The following RBFOX1 variants were observed in gnomAD, a reference collection of about 807,000 sequenced individuals.
The protein encoded by RBFOX1 is RNA binding fox-1 homolog 1.
In RBFOX1, 8 loss-of-function variants were observed where a neutral mutation model predicts 57.7. That is an observed-to-expected ratio of 0.14 (90% CI 0.08 to 0.25). The LOEUF (loss-of-function observed/expected upper bound fraction) is 0.25, where lower values mean the gene tolerates loss of function less well. Ranked by LOEUF, RBFOX1 falls within the 10% of genes least tolerant of loss-of-function variation. RBFOX1 has a pLI of 1.00. For synonymous variants in RBFOX1, 326 were observed against 222.4 expected (o/e 1.47, Z -4.15); for missense variants, 611 against 548.5 (o/e 1.11, Z -1.14).
At chr16:7,306,137 T>G (rs1306822842) in intron 4 of RBFOX1, among the ~76,000 whole-genome samples, 1 of 152,222 alleles carries the variant, frequency 6.6e-6, no homozygotes, top group East Asian at 1.9e-4. Flanking sequence ...AGGTACTCAA[T>G]GTTCTCCGTT....
At chr16:6,970,802 C>T (rs2085366991) in intron 3 of RBFOX1, among the ~76,000 whole-genome samples, 1 of 152,142 alleles carries the variant, frequency 6.6e-6, no homozygotes, top group Non-Finnish European at 1.5e-5. Flanking sequence ...GCCCTGTCTA[C>T]AAAGGAGACT....
rs116947992 is a variant in RBFOX1, at chr16:6,514,613, G to C, written c.-63-139990G>C. Reference sequence around the variant, plus strand: ...CTGATGTTCCCCTCACCACGCATTTGTGTACCCCTCACATGCCCTTTGTCT... The same window carrying C: ...CTGATGTTCCCCTCACCACGCATTTCTGTACCCCTCACATGCCCTTTGTCT... On this transcript the variant is annotated intron_variant, in intron 2 of 15. Coordinates refer to ENST00000550418, the MANE Select transcript of RBFOX1 (RefSeq NM_018723.4). Among the ~76,000 whole-genome samples, 743 of 152,244 alleles carry C rather than the reference G, an allele frequency of 4.9e-3. 21 individuals carry two copies. The East Asian group carries it at 0.093, about 19-fold the overall frequency.
chr16:5,830,917 C>A (rs1309633772), intron 3 of RBFOX1, among the ~76,000 whole-genome samples: 1 of 152,184 alleles, frequency 6.6e-6, no homozygotes, highest in African/African-American at 2.4e-5. Context: ...CTGTGATGCC[C>A]TCTCCTTGGC....
intron 3 of RBFOX1, among the ~76,000 whole-genome samples, chr16:6,673,470 C>T (rs965326289): frequency 3.9e-5 from 6 of 152,076 alleles, no homozygotes; most frequent in Non-Finnish European, 7.4e-5. Context: ...TGCCTGTAAT[C>T]CCAGCTACTG....
At chr16:5,906,002 C>T (rs1262979234) in intron 4 of RBFOX1, among the ~76,000 whole-genome samples, 1 of 152,174 alleles carries the variant, frequency 6.6e-6, no homozygotes, top group African/African-American at 2.4e-5. Context: ...TGAGTCCAGG[C>T]AGGGGAGGAT....
At chr16:6,638,389 G>T (rs1012953768) in intron 2 of RBFOX1, among the ~76,000 whole-genome samples, 11 of 152,050 alleles carry the variant, frequency 7.2e-5, no homozygotes. Flanking sequence ...TCAATTTTCT[G>T]AGAAAATTTA....
chr16:6,939,553 C>G (rs1451003806), intron 3 of RBFOX1, among the ~76,000 whole-genome samples: 1 of 148,102 alleles, frequency 6.8e-6, no homozygotes, highest in Non-Finnish European at 1.5e-5. Context: ...TTCTGTCATG[C>G]AGGCTGGAGT....
At chr16:6,249,238 T>C (rs2097587602) in intron 1 of RBFOX1, among the ~76,000 whole-genome samples, 1 of 151,940 alleles carries the variant, frequency 6.6e-6, no homozygotes, top group South Asian at 2.1e-4. Flanking sequence ...TGCATAGGTT[T>C]TGAGAGCAGG....
intron 3 of RBFOX1, among the ~76,000 whole-genome samples, chr16:5,805,516 C>T (rs575688101): frequency 3.9e-5 from 6 of 152,250 alleles, no homozygotes; most frequent in African/African-American, 1.4e-4. Flanking sequence ...GTTGGTGGCC[C>T]TGCCAGAAAC....
intron 3 of RBFOX1, among the ~76,000 whole-genome samples, chr16:6,862,182 C>A (rs1020283361): frequency 6.6e-6 from 1 of 152,132 alleles, no homozygotes; most frequent in Non-Finnish European, 1.5e-5. Context: ...CTGTGTGTGT[C>A]ATGTTTAGGG....
intron 10 of RBFOX1, among the ~76,000 whole-genome samples, chr16:7,629,722 GATTCCACCATTATTTGCCGCTGTAAA>G (rs2060634478): frequency 6.6e-6 from 1 of 152,218 alleles, no homozygotes; most frequent in African/African-American, 2.4e-5. Context: ...GGTATCTCAG[GATTCCACCATTATTTGCCGCTGTAAA>G]ATTCCACCTT....
chr16:6,633,525 C>G (rs1272087005), intron 2 of RBFOX1, among the ~76,000 whole-genome samples: 1 of 152,074 alleles, frequency 6.6e-6, no homozygotes, highest in Non-Finnish European at 1.5e-5. Context: ...AATACCTGGC[C>G]TCAAGTGATC....
intron 1 of RBFOX1, among the ~76,000 whole-genome samples, chr16:5,248,781 G>A (rs1034981362): frequency 1.1e-4 from 16 of 152,144 alleles, no homozygotes; most frequent in Non-Finnish European, 1.8e-4. Context: ...CTGAGGTCAG[G>A]ACTTTGAGAC....
chr16:5,994,467 G>A (rs1170689421), intron 4 of RBFOX1, among the ~76,000 whole-genome samples: 1 of 152,100 alleles, frequency 6.6e-6, no homozygotes, highest in Admixed American at 6.6e-5. Flanking sequence ...TGGGCATTAG[G>A]TCTTGAGCAA....
At chr16:7,318,339 C>T (rs554088192) in intron 4 of RBFOX1, among the ~76,000 whole-genome samples, 117 of 150,020 alleles carry the variant, frequency 7.8e-4, no homozygotes, top group African/African-American at 2.8e-3. Context: ...AGTGACAGTG[C>T]TGATGGTGGT....
intron 4 of RBFOX1, among the ~76,000 whole-genome samples, chr16:7,130,388 T>G (rs529846789): frequency 6.6e-6 from 1 of 152,310 alleles, no homozygotes; most frequent in African/African-American, 2.4e-5. Flanking sequence ...TTGTCCATTG[T>G]GCTCTGGAAA....
chr16:7,240,686 C>G (rs917130157), intron 4 of RBFOX1, among the ~76,000 whole-genome samples: 1 of 152,108 alleles, frequency 6.6e-6, no homozygotes, highest in African/African-American at 2.4e-5. Context: ...TCCTGAGTAG[C>G]TAGGACTAGA....
intron 1 of RBFOX1, among the ~76,000 whole-genome samples, chr16:6,201,049 A>G (rs1397863167): frequency 6.6e-6 from 1 of 152,066 alleles, no homozygotes; most frequent in South Asian, 2.1e-4. Flanking sequence ...GAGTGAGAAC[A>G]TGTGATATTT....
At chr16:7,074,809 G>T (rs977569441) in intron 4 of RBFOX1, among the ~76,000 whole-genome samples, 1 of 152,134 alleles carries the variant, frequency 6.6e-6, no homozygotes, top group African/African-American at 2.4e-5. Context: ...ATAAACAGAT[G>T]CATTTTCTTT....
Sources: allele counts gnomAD v4.1 joint callset (sites outside exome capture counted in the v4.1 genomes callset), GRCh38; gene constraint gnomAD v4.1.1; transcripts MANE v1.5; gene names NCBI Gene and HGNC (gene_info 2026-07-23, HGNC 2026-07-21).